The following CADPS variants were observed in gnomAD, a reference collection of about 807,000 sequenced individuals.
CADPS encodes the protein calcium-dependent secretion activator 1.
In CADPS, 57 loss-of-function variants were observed where a neutral mutation model predicts 167.3. The observed-to-expected ratio is 0.34, with a 90% CI of 0.28 to 0.42. The LOEUF is 0.42. Among genes scored for constraint, CADPS ranks in the 20% least tolerant of loss-of-function variants. CADPS has a pLI of 1.00. For missense variants in CADPS, 1,414 were observed against 1,738.1 expected, an observed-to-expected ratio of 0.81 and a Z score of 3.32; for synonymous variants, 676 against 635.3, an observed-to-expected ratio of 1.06 and a Z score of -0.96.
Position 62,433,344 on chromosome 3 carries a change from C to G in CADPS, c.3777+4760G>C, listed in dbSNP as rs1039744727. On this transcript the variant is annotated intron_variant, in intron 28 of 29. Coordinates refer to ENST00000383710, the MANE Select transcript of CADPS (RefSeq NM_003716.4). This position sits in a 1 kb window ranked among gnomAD's most constrained non-coding sequence, Gnocchi z 4.7. Reference sequence around the variant, plus strand: ...GAAAATGGAACAGCAAATTAAAATCCGTGCGAGGCAAAGAATACTGAGTAG... The same window carrying G: ...GAAAATGGAACAGCAAATTAAAATCGGTGCGAGGCAAAGAATACTGAGTAG... Among the ~76,000 whole-genome samples, 11 of 152,054 alleles carry G rather than the reference C, an allele frequency of 7.2e-5. No homozygotes were observed. Among genetic ancestry groups the G allele is most frequent in the Non-Finnish European group, 1.3e-4 (9 of 68,010 alleles).
intron 3 of CADPS, among the ~76,000 whole-genome samples, chr3:62,714,376 T>C (rs2084004094): frequency 6.6e-6 from 1 of 152,188 alleles, no homozygotes; most frequent in African/African-American, 2.4e-5. Context: ...TGTGGAGAGA[T>C]CACATTAGAA....
At chr3:62,669,328 C>T (rs1396717791) in intron 3 of CADPS, among the ~76,000 whole-genome samples, 1 of 152,174 alleles carries the variant, frequency 6.6e-6, no homozygotes, top group Non-Finnish European at 1.5e-5. Flanking sequence ...TTTTTATCCT[C>T]CTTCAGAGAC....
intron 28 of CADPS, among the ~76,000 whole-genome samples, chr3:62,417,997 T>C (rs1430520018): frequency 1.3e-5 from 2 of 151,882 alleles, no homozygotes; most frequent in African/African-American, 4.8e-5. Context: ...GATCCTAGTA[T>C]CTTAAAAAAA....
At chr3:62,440,347 C>T (rs2056059859) in intron 27 of CADPS, 1 of 152,186 alleles carries the variant, frequency 6.6e-6, no homozygotes, top group Admixed American at 6.6e-5. Flanking sequence ...AAAAACTTCT[C>T]TGGGCCTTAG....
At chr3:62,719,930 T>C (rs2075415520) in intron 3 of CADPS, among the ~76,000 whole-genome samples, 1 of 152,218 alleles carries the variant, frequency 6.6e-6, no homozygotes, top group Non-Finnish European at 1.5e-5. Flanking sequence ...CTGTATTTTC[T>C]GGTGAAAGAC....
rs116642597 is a variant in CADPS, at chr3:62,735,641, C to T, written c.888+17800G>A. ...GTACATAGCTGCCCAGCTAGAACTA[C>T]ACTTCTCAGGTTTGTTGTAAAGAAA... On this transcript the variant is annotated intron_variant, in intron 3 of 29. Transcript: ENST00000383710. Among the ~76,000 whole-genome samples, 1,106 of 152,290 alleles carry T rather than the reference C, an allele frequency of 7.3e-3. 11 individuals are homozygous for T. The highest frequency in any genetic ancestry group is 0.025 in the African/African-American group (1,034 of 41,562).
chr3:62,436,734 T>C (rs190669988), intron 28 of CADPS, among the ~76,000 whole-genome samples: 4 of 152,172 alleles, frequency 2.6e-5, no homozygotes, highest in East Asian at 1.9e-4. Flanking sequence ...ACATTTGACA[T>C]GAGAGATAAG....
Position 62,474,170 on chromosome 3 carries a change from T to TTTTTTTTTTTTTTTTAAC in CADPS, c.3477+2_3477+3insGTTAAAAAAAAAAAAAAA. The TTTTTTTTTTTTTTTTAAC allele has an allele frequency of 1.4e-6, 2 of 1,475,392 alleles. No individual in the cohort carries two copies. Among genetic ancestry groups the TTTTTTTTTTTTTTTTAAC allele is most frequent in the South Asian group, 1.4e-5 (1 of 72,492 alleles). The allele number at this position is 1,475,392 out of a possible 1,614,324, so 91.4% of individuals were successfully genotyped here. On this transcript the variant is annotated splice_region_variant and intron_variant, in intron 24 of 29. Transcript: ENST00000383710. Reference sequence around the variant, plus strand: ...AAATCTGTATTTTTTTTTTTTTTTTTACCTCTTGGCCCATTTCCATGCTGC... The same window carrying TTTTTTTTTTTTTTTTAAC: ...AAATCTGTATTTTTTTTTTTTTTTTTTTTTTTTTTTTTTTTAACACCTCTTGGCCCATTTCCATGCTGC...
At chr3:62,685,338 A>T (rs1321578625) in intron 3 of CADPS, among the ~76,000 whole-genome samples, 1 of 152,004 alleles carries the variant, frequency 6.6e-6, no homozygotes, top group Non-Finnish European at 1.5e-5. Flanking sequence ...GATCAAGATT[A>T]AGGAATCTAT....
chr3:62,634,496 T>G (rs2065889847), intron 6 of CADPS, among the ~76,000 whole-genome samples: 1 of 152,206 alleles, frequency 6.6e-6, no homozygotes, highest in African/African-American at 2.4e-5. Flanking sequence ...ATTTTAAAAA[T>G]GAATATTCAG....
intron 6 of CADPS, among the ~76,000 whole-genome samples, chr3:62,593,531 G>C (rs1405570786): frequency 1.3e-5 from 2 of 152,178 alleles, no homozygotes; most frequent in Admixed American, 1.3e-4. Flanking sequence ...TTCCAGAAGT[G>C]TTAACTGGAT....
chr3:62,759,862 T>C (rs1229972168), intron 2 of CADPS, among the ~76,000 whole-genome samples: 1 of 152,198 alleles, frequency 6.6e-6, no homozygotes, highest in Admixed American at 6.5e-5. Context: ...CTTTTCTACC[T>C]GGAAAAATAC....
intron 1 of CADPS, among the ~76,000 whole-genome samples, chr3:62,787,219 C>A (rs1349798884): frequency 1.3e-5 from 2 of 152,038 alleles, no homozygotes; most frequent in Non-Finnish European, 2.9e-5. Flanking sequence ...CACTTGAGTC[C>A]AGGAGGCGGA....
chr3:62,743,448 A>G (rs1339040806), intron 3 of CADPS, among the ~76,000 whole-genome samples: 1 of 152,168 alleles, frequency 6.6e-6, no homozygotes, highest in Non-Finnish European at 1.5e-5. Flanking sequence ...CTCCTAGTTT[A>G]TTTATTAACT....
chr3:62,466,371 C>G lies in CADPS; in HGVS notation c.3520G>C (p.Val1174Leu), dbSNP rs2150394140. ...ACCAAGAGTGTTATCATTTCTTTAA[C>G]AGTTTCTTCAATTAGTTCGTCTATT... Reference protein sequence around the residue: ...SKIDELIEETVKEMITLLVAK... With the variant: ...SKIDELIEETLKEMITLLVAK... Residue 1174 changes from valine to leucine, a missense_variant, in exon 25 of 30, where the codon GTT becomes CTT. This residue lies in a region of CADPS where 185 missense variants were observed against 251.5 expected (regional missense o/e 0.74). Transcript: ENST00000383710. The G allele has an allele frequency of 6.2e-7, 1 of 1,612,034 alleles. No individual in the cohort carries two copies. Among genetic ancestry groups the G allele is most frequent in the Middle Eastern group, 1.7e-4 (1 of 6,060 alleles).
chr3:62,719,749 C>T (rs1226600611), intron 3 of CADPS, among the ~76,000 whole-genome samples: 3 of 152,284 alleles, frequency 2.0e-5, no homozygotes, highest in Non-Finnish European at 2.9e-5. Context: ...ACTAAATGGC[C>T]GTGATGGTCA....
At chr3:62,424,712 A>T (rs1026268291) in intron 28 of CADPS, among the ~76,000 whole-genome samples, 1 of 152,232 alleles carries the variant, frequency 6.6e-6, no homozygotes, top group African/African-American at 2.4e-5. Context: ...AATGGGCCAA[A>T]GCGATTCATT....
At chr3:62,784,828 T>C (rs1375834582) in intron 1 of CADPS, among the ~76,000 whole-genome samples, 1 of 151,908 alleles carries the variant, frequency 6.6e-6, no homozygotes, top group Non-Finnish European at 1.5e-5. Flanking sequence ...TATCAATCCA[T>C]TGCAATGTAT....
At chr3:62,762,474 T>C (rs2085716215) in intron 2 of CADPS, among the ~76,000 whole-genome samples, 1 of 151,800 alleles carries the variant, frequency 6.6e-6, no homozygotes, top group Non-Finnish European at 1.5e-5. Flanking sequence ...CTGGGCAACA[T>C]AGCAAAACCC....
Sources: gnomAD v4.1 joint callset for allele counts (sites outside exome capture counted in the v4.1 genomes callset) on GRCh38, gnomAD v4.1.1 for gene constraint, gnomAD v4.1.1 regional missense constraint, Gnocchi (gnomAD v3.1) non-coding constraint, MANE v1.5 for transcripts, NCBI Gene and HGNC (gene_info 2026-07-23, HGNC 2026-07-21) for gene names.